Variants in ZNF827 observed in about 807,000 individuals in gnomAD.
ZNF827 encodes the protein zinc finger protein 827.
ZNF827 carries 13 observed loss-of-function variants against 102.4 expected under a neutral mutation model. The ratio of observed to expected loss-of-function variants is 0.13; its 90% confidence interval spans 0.08 to 0.20. The LOEUF (loss-of-function observed/expected upper bound fraction) is 0.20, where lower values mean the gene tolerates loss of function less well. Among genes scored for constraint, ZNF827 ranks in the 10% least tolerant of loss-of-function variants. The pLI, the probability that ZNF827 is intolerant of heterozygous loss-of-function variation, is 1.00. For missense variants in ZNF827, 1,103 were observed against 1,344.4 expected (o/e 0.82, Z 2.81); for synonymous variants, 523 against 536.2 (o/e 0.98, Z 0.34).
intron 8 of ZNF827, 149 bp downstream of exon 8, chr4:145,823,273 C>T (rs1743332205): frequency 1.6e-6 from 1 of 627,938 alleles, no homozygotes; most frequent in East Asian, 2.9e-5. Context: ...ACTTTTGTAG[C>T]TTAAATTGAG....
At chr4:145,852,223 C>T (rs1346698174) in intron 5 of ZNF827, among the ~76,000 whole-genome samples, 2 of 152,174 alleles carry the variant, frequency 1.3e-5, no homozygotes, top group African/African-American at 4.8e-5. Context: ...TTATCTTCTC[C>T]TCACACCTCA....
chr4:145,864,420 CAA>C lies in ZNF827; in HGVS notation c.1981+5823_1981+5824del, dbSNP rs34745619. 2.1e-3 allele frequency among the ~76,000 whole-genome samples: 127 copies of C among 60,788 alleles called. 1 individual carries two copies. In the East Asian group the frequency reaches 0.026, roughly 13 times the overall value. The allele number at this position is 60,788 out of a possible 152,430, so 39.9% of individuals were successfully genotyped here. On this transcript the variant is annotated intron_variant, in intron 5 of 14. Transcript: ENST00000508784. Reference sequence around the variant, plus strand: ...GGCAACATAGCAGACCTTGTCTCTACAAAAAAAAAAAAAAAAAAAAAAAATTA... The same window carrying C: ...GGCAACATAGCAGACCTTGTCTCTACAAAAAAAAAAAAAAAAAAAAAATTA...
chr4:145,871,068 T>C (rs1359212310), intron 4 of ZNF827, among the ~76,000 whole-genome samples: 1 of 152,166 alleles, frequency 6.6e-6, no homozygotes, highest in Non-Finnish European at 1.5e-5. Context: ...GATAAATCCA[T>C]GTCTGTAGCC....
intron 6 of ZNF827, among the ~76,000 whole-genome samples, chr4:145,846,686 G>A (rs1221517107): frequency 7.3e-5 from 10 of 136,754 alleles, no homozygotes; most frequent in African/African-American, 2.8e-4. Flanking sequence ...GCATGATGGC[G>A]CGTGCCTGTA....
At chr4:145,937,581 C>T (rs1754298283) in intron 1 of ZNF827, among the ~76,000 whole-genome samples, 1 of 146,536 alleles carries the variant, frequency 6.8e-6, no homozygotes, top group Non-Finnish European at 1.5e-5. Context: ...CCCCGGCGCG[C>T]CCCCTCGCCT....
chr4:145,918,334 A>C (rs1299302590), intron 1 of ZNF827, among the ~76,000 whole-genome samples: 1 of 39,918 alleles, frequency 2.5e-5, no homozygotes, highest in Non-Finnish European at 4.0e-5. Flanking sequence ...GCTCAAGGCA[A>C]AAAAAAAAAA....
intron 7 of ZNF827, among the ~76,000 whole-genome samples, chr4:145,842,027 A>T (rs1745471719): frequency 6.6e-6 from 1 of 152,142 alleles, no homozygotes; most frequent in Non-Finnish European, 1.5e-5. Flanking sequence ...GAGGAGGGAG[A>T]TAGATAAAAC....
chr4:145,865,228 T>A (rs938839613), intron 5 of ZNF827, among the ~76,000 whole-genome samples: 1 of 152,180 alleles, frequency 6.6e-6, no homozygotes, highest in East Asian at 1.9e-4. Flanking sequence ...ATTAGGTACA[T>A]GTGCCCTTCT....
In ZNF827 at chr4:145,917,169, A is replaced by C. The variant is rs79348453; in HGVS notation, c.44-13954T>G. 8.2e-3 allele frequency among the ~76,000 whole-genome samples: 1,250 copies of C among 152,314 alleles called. 6 individuals carry two copies. The highest frequency in any genetic ancestry group is 0.021 in the South Asian group (100 of 4,832). On this transcript the variant is annotated intron_variant, in intron 1 of 14. Transcript: ENST00000508784. Reference sequence around the variant, plus strand: ...TTCTTCTAGCATCTATCCATTACCCAGTTCCAGAACCACTTCCACATTTTC... The same window carrying C: ...TTCTTCTAGCATCTATCCATTACCCCGTTCCAGAACCACTTCCACATTTTC...
chr4:145,890,069 T>C (rs1750475209), intron 3 of ZNF827, among the ~76,000 whole-genome samples: 1 of 152,026 alleles, frequency 6.6e-6, no homozygotes, highest in South Asian at 2.1e-4. Flanking sequence ...ACTACAACCA[T>C]TATATTTCCA....
At chr4:145,899,767 G>T (rs574910570) in intron 2 of ZNF827, among the ~76,000 whole-genome samples, 1 of 152,170 alleles carries the variant, frequency 6.6e-6, no homozygotes, top group African/African-American at 2.4e-5. Flanking sequence ...ACTGAACAGA[G>T]GCATGTTGAA....
At chr4:145,905,163 A>G (rs1415893201) in intron 1 of ZNF827, among the ~76,000 whole-genome samples, 1 of 152,228 alleles carries the variant, frequency 6.6e-6, no homozygotes, top group African/African-American at 2.4e-5. Context: ...TATTATCTAC[A>G]TATTCCACAC....
In ZNF827 at chr4:145,763,023, G is replaced by A. The variant is rs1478625692; in HGVS notation, c.*17+67C>T. ...CCTCAGCTCACAGAAGAGTGCACAC[G>A]AGAGAAATATAAAGCCCATTCCCAG... On this transcript the variant is annotated intron_variant, in intron 14 of 14. Coordinates refer to ENST00000508784, the MANE Select transcript of ZNF827 (RefSeq NM_001306215.2). The surrounding 1 kb of genome is among the most constrained non-coding windows in gnomAD (Gnocchi z 4.6). 92 of 1,434,160 alleles carry A rather than the reference G, an allele frequency of 6.4e-5. No individual in the cohort carries two copies. In the East Asian group the frequency reaches 1.2e-3, roughly 19 times the overall value. 88.8% of individuals were successfully genotyped at this position (1,434,160 alleles called of 1,614,324 possible).
At chr4:145,776,445 A>G (rs1359925965) in intron 9 of ZNF827, among the ~76,000 whole-genome samples, 1 of 150,354 alleles carries the variant, frequency 6.7e-6, no homozygotes, top group Non-Finnish European at 1.5e-5. Flanking sequence ...TGGGTGACGG[A>G]GATAAACCTT....
At position 145,863,303 on chromosome 4, in the gene ZNF827, C is replaced by T. The variant is rs183443311; in HGVS notation, c.1981+6942G>A. Among the ~76,000 whole-genome samples, 182 of 152,274 alleles carry T rather than the reference C, an allele frequency of 1.2e-3. 1 individual carries two copies. The highest frequency in any genetic ancestry group is 4.1e-3 in the African/African-American group (171 of 41,542). On this transcript the variant is annotated intron_variant, in intron 5 of 14. Coordinates refer to ENST00000508784, the MANE Select transcript of ZNF827 (RefSeq NM_001306215.2). ...GACCCTCATCCACTGCTGGTGGGCA[C>T]GTGAAATGGTGCAGCTACTTTGGAA...
At chr4:145,935,732 T>C (rs1231710425) in intron 1 of ZNF827, among the ~76,000 whole-genome samples, 4 of 152,078 alleles carry the variant, frequency 2.6e-5, no homozygotes, top group African/African-American at 4.8e-5. Context: ...TCTGAAAATA[T>C]AACTTCATCA....
chr4:145,920,525 A>G (rs1752986662), intron 1 of ZNF827, among the ~76,000 whole-genome samples: 1 of 152,228 alleles, frequency 6.6e-6, no homozygotes, highest in African/African-American at 2.4e-5. Flanking sequence ...GACTCCCTCC[A>G]GTCATCTCCA....
chr4:145,795,401 G>T (rs1394075680), intron 8 of ZNF827, among the ~76,000 whole-genome samples: 1 of 152,186 alleles, frequency 6.6e-6, no homozygotes, highest in Non-Finnish European at 1.5e-5. Context: ...GCCCGCCTTG[G>T]CCTCCCAAAG....
At chr4:145,794,792 T>G (rs1310297519) in intron 8 of ZNF827, among the ~76,000 whole-genome samples, 1 of 152,186 alleles carries the variant, frequency 6.6e-6, no homozygotes, top group Non-Finnish European at 1.5e-5. Context: ...CAGAGCTGTT[T>G]CTACTGTTAA....
Sources: allele counts gnomAD v4.1 joint callset (sites outside exome capture counted in the v4.1 genomes callset), GRCh38; gene constraint gnomAD v4.1.1; non-coding constraint Gnocchi (gnomAD v3.1); transcripts MANE v1.5; gene names NCBI Gene and HGNC (gene_info 2026-07-23, HGNC 2026-07-21).